ANK2: variants seen among roughly 807,000 people sequenced by gnomAD.
ANK2 encodes ankyrin-2.
In ANK2, 83 loss-of-function variants were observed where a neutral mutation model predicts 360.5. The observed-to-expected ratio is 0.23, with a 90% CI of 0.19 to 0.28. The LOEUF is 0.28. Among genes scored for constraint, ANK2 ranks in the 10% least tolerant of loss-of-function variants. The pLI, the probability that ANK2 is intolerant of heterozygous loss-of-function variation, is 1.00. For synonymous variants in ANK2, 1,740 were observed against 1,759.5 expected, an observed-to-expected ratio of 0.99 and a Z score of 0.28; for missense variants, 4,201 against 4,795.7, an observed-to-expected ratio of 0.88 and a Z score of 3.66.
At chr4:112,988,508 A>G (rs1011788615) in intron 2 of ANK2, among the ~76,000 whole-genome samples, 2 of 152,230 alleles carry the variant, frequency 1.3e-5, no homozygotes, top group Non-Finnish European at 2.9e-5. Flanking sequence ...AGCTGAGAAG[A>G]AATGCAGAAT....
At chr4:113,234,788 A>G (rs577227145) in intron 5 of ANK2, among the ~76,000 whole-genome samples, 2 of 152,244 alleles carry the variant, frequency 1.3e-5, no homozygotes, top group Non-Finnish European at 2.9e-5. Flanking sequence ...TTGAGAAGAA[A>G]TATTTGAAGT....
the ANK2 span, among the ~76,000 whole-genome samples, chr4:112,724,274 A>G: frequency 2.0e-5 from 3 of 152,198 alleles, no homozygotes; most frequent in East Asian, 5.8e-4. Flanking sequence ...CATGTTGGCT[A>G]GGCTGGTCTT....
At chr4:113,159,778 T>TTA (rs1554203685) in intron 1 of ANK2, among the ~76,000 whole-genome samples, 28 of 150,704 alleles carry the variant, frequency 1.9e-4, no homozygotes, top group African/African-American at 4.9e-4. Flanking sequence ...CGGCTAATTT[T>TTA]TATATATATA....
At chr4:112,880,222 A>T (rs1271520157) in intron 1 of ANK2, 1 of 152,232 alleles carries the variant, frequency 6.6e-6, no homozygotes. Context: ...TTTTATGCTT[A>T]AAAGTTTCCT....
chr4:113,336,138 C>G (rs2093498291), intron 30 of ANK2, 81 bp downstream of exon 30: 1 of 1,435,440 alleles, frequency 7.0e-7, no homozygotes, highest in Non-Finnish European at 9.7e-7. Context: ...GGACTGTTAC[C>G]TTTGTTTTAT....
chr4:112,728,764 G>C, the ANK2 span, among the ~76,000 whole-genome samples: 2 of 151,986 alleles, frequency 1.3e-5, no homozygotes, highest in African/African-American at 4.8e-5. Flanking sequence ...AATAACAAGT[G>C]AAAAATACAT....
At chr4:113,212,446 C>T (rs1406605745) in intron 4 of ANK2, among the ~76,000 whole-genome samples, 5 of 152,104 alleles carry the variant, frequency 3.3e-5, no homozygotes, top group South Asian at 2.1e-4. Flanking sequence ...CTGGTTATTT[C>T]TACTCTTTAT....
intron 2 of ANK2, among the ~76,000 whole-genome samples, chr4:112,906,339 T>C (rs2085205180): frequency 6.6e-6 from 1 of 152,060 alleles, no homozygotes; most frequent in South Asian, 2.1e-4. Context: ...CCGGATTAGT[T>C]TGAGAAGTAA....
the ANK2 span, among the ~76,000 whole-genome samples, chr4:112,775,842 CG>C: frequency 6.6e-6 from 1 of 152,126 alleles, no homozygotes; most frequent in African/African-American, 2.4e-5. Flanking sequence ...GTCTTGGAGG[CG>C]GATGGGACTG....
intron 36 of ANK2, among the ~76,000 whole-genome samples, chr4:113,348,923 C>A (rs1226235852): frequency 6.6e-6 from 1 of 152,056 alleles, no homozygotes; most frequent in African/African-American, 2.4e-5. Flanking sequence ...TAAAGGGGCC[C>A]TAAGACCAAA....
the ANK2 span, among the ~76,000 whole-genome samples, chr4:112,774,228 T>C: frequency 6.6e-6 from 1 of 151,968 alleles, no homozygotes; most frequent in East Asian, 1.9e-4. Flanking sequence ...TATTGTAAGA[T>C]ATAAATAACT....
rs2065364828 is a variant in ANK2, at chr4:113,287,665, C to A, written c.2140C>A (p.Leu714Ile). The A allele has an allele frequency of 3.1e-6, 5 of 1,613,438 alleles. No individual in the cohort carries two copies. The highest frequency in any genetic ancestry group is 4.2e-6 in the Non-Finnish European group (5 of 1,179,466). ...AGATAAAGTGAATGTTGCTGATATT[C>A]TCACCAAGCATGGAGCTGATCAGGA... Reference protein sequence around the residue: ...QEDKVNVADILTKHGADQDAH... With the variant: ...QEDKVNVADIITKHGADQDAH... Residue 714 changes from leucine to isoleucine, a missense_variant, in exon 19 of 46, where the codon CTC (leucine) becomes ATC (isoleucine). Physicochemically the swap from Leu to Ile is conservative, Grantham distance 5. Around this residue, in one of 4 missense-constraint regions of ANK2, gnomAD observed 1,268 missense variants for 1,650.8 expected, o/e 0.77. Transcript: ENST00000357077.
chr4:113,318,682 C>T, intron 26 of ANK2, 62 bp downstream of exon 26: 2 of 1,355,314 alleles, frequency 1.5e-6, no homozygotes, highest in Non-Finnish European at 2.1e-6. Flanking sequence ...GTGAAAACAA[C>T]AGCTTTGTCC....
At chr4:112,887,309 C>A (rs1324340651) in intron 1 of ANK2, among the ~76,000 whole-genome samples, 1 of 152,200 alleles carries the variant, frequency 6.6e-6, no homozygotes, top group Non-Finnish European at 1.5e-5. Flanking sequence ...CAGTAGAAAA[C>A]TACTTCAAAT....
In ANK2 at chr4:113,255,768, G is replaced by C; in HGVS notation, c.1024G>C (p.Gly342Arg). ...GTCTCCACTACACATGGCTGCCCAG[G>C]GAGACCACGTGGAATGTGTGAAGCA... The part of the protein sequence containing the change: ...GLSPLHMAAQ[G>R]DHVECVKHLL... Residue 342 changes from glycine to arginine, a missense_variant, in exon 11 of 46, where the codon GGA (glycine) becomes CGA (arginine). By Grantham distance (125) the Gly-to-Arg change is moderately radical (BLOSUM62 -2). Coordinates refer to ENST00000357077, the MANE Select transcript of ANK2 (RefSeq NM_001148.6). The C allele has an allele frequency of 6.2e-7, 1 of 1,614,138 alleles. No individual in the cohort carries two copies. The highest frequency in any genetic ancestry group is 8.5e-7 in the Non-Finnish European group (1 of 1,180,026).
At chr4:112,949,390 T>C (rs2094783857) in intron 2 of ANK2, among the ~76,000 whole-genome samples, 1 of 152,140 alleles carries the variant, frequency 6.6e-6, no homozygotes, top group Non-Finnish European at 1.5e-5. Flanking sequence ...GTTTAGAATA[T>C]GTTCAGTAGC....
chr4:113,213,966 T>TA, intron 4 of ANK2: 37 of 485,624 alleles, frequency 7.6e-5, no homozygotes, highest in Admixed American at 2.0e-4. Context: ...TTTTTTTTTT[T>TA]TATTTTTTTT....
chr4:112,842,745 A>AGACTGGG (rs1689959836), intron 1 of ANK2, among the ~76,000 whole-genome samples: 5 of 152,196 alleles, frequency 3.3e-5, no homozygotes, highest in Admixed American at 3.3e-4. Flanking sequence ...GTTGGGCCGC[A>AGACTGGG]GACTGGGGAC....
intron 1 of ANK2, among the ~76,000 whole-genome samples, chr4:112,838,944 A>G (rs972785104): frequency 2.0e-5 from 3 of 152,130 alleles, no homozygotes; most frequent in African/African-American, 7.2e-5. Flanking sequence ...TCTTTGTAAC[A>G]TCTTAGGCCT....
Sources: allele counts gnomAD v4.1 joint callset (sites outside exome capture counted in the v4.1 genomes callset), GRCh38; gene constraint gnomAD v4.1.1; regional missense constraint gnomAD v4.1.1; transcripts MANE v1.5; gene names NCBI Gene and HGNC (gene_info 2026-07-23, HGNC 2026-07-21).